PVALEF: variants seen among roughly 807,000 people sequenced by gnomAD.
PVALEF encodes the protein parvalbumin like EF-hand containing.
In PVALEF, 2 loss-of-function variants were observed where a neutral mutation model predicts 1.2. The observed-to-expected ratio is 1.68, with a 90% CI of 0.69 to 5.28. The LOEUF (loss-of-function observed/expected upper bound fraction) is 5.28, where lower values mean the gene tolerates loss of function less well. PVALEF is among the 30% of genes most tolerant of loss of function. PVALEF has a pLI of 0.06. For missense variants in PVALEF, 35 were observed against 17.7 expected (o/e 1.97, Z -1.75); for synonymous variants, 16 against 6.5 (o/e 2.47, Z -2.24).
chr17:81,165,602 C>A lies in PVALEF; in HGVS notation c.-653C>A, dbSNP rs531462374. On this transcript the variant is annotated 5_prime_UTR_variant, in exon 1 of 7. Transcript: ENST00000637878. Reference sequence around the variant, plus strand: ...TGAACCCCAGCTGGCTGACACCCCCCACACCCCCAAGGGCCCTTAGTCTGA... The same window carrying A: ...TGAACCCCAGCTGGCTGACACCCCCAACACCCCCAAGGGCCCTTAGTCTGA... 4.3e-6 allele frequency: 6 copies of A among 1,398,188 alleles called. No individual in the cohort carries two copies. Among genetic ancestry groups the A allele is most frequent in the Non-Finnish European group, 5.7e-6 (6 of 1,055,802 alleles). The allele number at this position is 1,398,188 out of a possible 1,614,324, so 86.6% of individuals were successfully genotyped here.
intron 2 of PVALEF, among the ~76,000 whole-genome samples, chr17:81,168,589 T>C (rs1235491987): frequency 1.3e-5 from 2 of 152,134 alleles, no homozygotes; most frequent in African/African-American, 2.4e-5. Context: ...CCTGAAGACA[T>C]AGCTGTCTGC....
At chr17:81,178,582 G>A (rs965656563) in intron 2 of PVALEF, among the ~76,000 whole-genome samples, 1 of 151,444 alleles carries the variant, frequency 6.6e-6, no homozygotes, top group African/African-American at 2.4e-5. Flanking sequence ...CCTTCCACCC[G>A]GCCCAAGCCC....
intron 2 of PVALEF, among the ~76,000 whole-genome samples, chr17:81,167,896 C>T (rs2061504652): frequency 6.6e-6 from 1 of 152,250 alleles, no homozygotes; most frequent in African/African-American, 2.4e-5. Context: ...CTCGTTCAGT[C>T]TGTGTCTTCA....
intron 2 of PVALEF, among the ~76,000 whole-genome samples, chr17:81,170,016 ATG>A (rs2146443236): frequency 7.1e-6 from 1 of 140,212 alleles, no homozygotes; most frequent in South Asian, 2.3e-4. Flanking sequence ...CTGCATGTGT[ATG>A]TGCATATGTG....
intron 2 of PVALEF, among the ~76,000 whole-genome samples, chr17:81,170,204 TGTA>T (rs1567835626): frequency 6.6e-6 from 1 of 151,728 alleles, no homozygotes; most frequent in East Asian, 1.9e-4. Flanking sequence ...TTTGCATATG[TGTA>T]GGTGTGTTGG....
At chr17:81,167,068 G>A (rs1280263372) in intron 2 of PVALEF, among the ~76,000 whole-genome samples, 4 of 152,076 alleles carry the variant, frequency 2.6e-5, no homozygotes, top group Admixed American at 6.5e-5. Context: ...CAGGGCAGGC[G>A]GGTGGCTTGT....
In PVALEF at chr17:81,165,521, C is replaced by G. The variant is rs761794438; in HGVS notation, c.-734C>G. The G allele has an allele frequency of 1.0e-4, 77 of 738,980 alleles. No individual in the cohort carries two copies. The highest frequency in any genetic ancestry group is 5.2e-4 in the South Asian group (33 of 63,676). The allele number at this position is 738,980 out of a possible 1,614,324, so 45.8% of individuals were successfully genotyped here. On this transcript the variant is annotated 5_prime_UTR_variant, in exon 1 of 7. Transcript: ENST00000637878. ...CAGGGCTCTGAGAATCGCTCCCAGC[C>G]TGGGAAGAAGCCTCCCACGCCAGGG...
chr17:81,166,503 CGG>C (rs1352693269), intron 1 of PVALEF, among the ~76,000 whole-genome samples, 172 bp from the exon 2 acceptor site: 1 of 13,264 alleles, frequency 7.5e-5, no homozygotes, highest in African/African-American at 1.9e-4. Context: ...CGGAGGCTGG[CGG>C]GGGGGGGGGA....
chr17:81,174,982 T>C (rs929229681), intron 2 of PVALEF, among the ~76,000 whole-genome samples: 2 of 148,998 alleles, frequency 1.3e-5, no homozygotes, highest in South Asian at 2.1e-4. Flanking sequence ...TGTTCACAAA[T>C]GATATGATGT....
intron 2 of PVALEF, among the ~76,000 whole-genome samples, chr17:81,173,563 A>C (rs1395644825): frequency 6.6e-6 from 1 of 152,230 alleles, no homozygotes; most frequent in Non-Finnish European, 1.5e-5. Context: ...GAAAGCACTG[A>C]GAATTGGACA....
At chr17:81,182,944 T>C in intron 6 of PVALEF, 21 bp from the exon 7 acceptor site, 1 of 398,620 alleles carries the variant, frequency 2.5e-6, no homozygotes, top group East Asian at 3.6e-5. Context: ...GTACTTACTT[T>C]AAATTGGTCT....
chr17:81,175,953 G>C (rs2061534708), intron 2 of PVALEF, among the ~76,000 whole-genome samples: 1 of 152,148 alleles, frequency 6.6e-6, no homozygotes, highest in South Asian at 2.1e-4. Context: ...AAAAAAATTT[G>C]TGGGTCAAAA....
intron 2 of PVALEF, among the ~76,000 whole-genome samples, chr17:81,174,606 C>T (rs2146446691): frequency 7.0e-6 from 1 of 143,766 alleles, no homozygotes; most frequent in East Asian, 2.1e-4. Flanking sequence ...CTCCAGCCTG[C>T]ACAACAGAGC....
intron 6 of PVALEF, among the ~76,000 whole-genome samples, chr17:81,182,522 C>T (rs1415573145): frequency 6.6e-6 from 1 of 152,232 alleles, no homozygotes; most frequent in African/African-American, 2.4e-5. Flanking sequence ...GGTCTAGAAA[C>T]CCCAGCAAAC....
intron 2 of PVALEF, among the ~76,000 whole-genome samples, chr17:81,172,127 G>C (rs1348803048): frequency 6.6e-6 from 1 of 152,246 alleles, no homozygotes; most frequent in Admixed American, 6.5e-5. Flanking sequence ...GGTGCCACAT[G>C]CCTTTCTACA....
chr17:81,171,303 C>T (rs572416338), intron 2 of PVALEF, among the ~76,000 whole-genome samples: 3 of 152,218 alleles, frequency 2.0e-5, no homozygotes, highest in South Asian at 2.1e-4. Flanking sequence ...GTGCTGGTTC[C>T]GGGAGCTTTG....
rs769331170 is a variant in PVALEF, at chr17:81,181,328, CCACGGTACAG to C, written c.105_106+8del. The C allele has an allele frequency of 4.4e-6, 3 of 675,974 alleles. No homozygotes were observed. In the African/African-American group the frequency reaches 5.3e-5, roughly 12 times the overall value. The allele number at this position is 675,974 out of a possible 1,614,324, so 41.9% of individuals were successfully genotyped here. A position where few individuals can be genotyped will look rare whatever the true frequency, so the allele number is the denominator to read the frequency against. ...AGCTGCTGCCCACAGACATGAGACA[CCACGGTACAG>C]CATGCCCCCGCCCGGCGCGGCCCCC... is the stretch of plus-strand genomic sequence containing the variant. On this transcript the variant is annotated splice_donor_variant and splice_donor_5th_base_variant and coding_sequence_variant and intron_variant, in exon 4 of 7. Transcript: ENST00000637878. LOFTEE classifies it high-confidence loss of function.
intron 2 of PVALEF, among the ~76,000 whole-genome samples, chr17:81,169,820 C>G (rs1384995628): frequency 6.7e-6 from 1 of 149,218 alleles, no homozygotes; most frequent in Non-Finnish European, 1.5e-5. Context: ...ATATGTGTGT[C>G]TGTGTGTGTC....
intron 6 of PVALEF, among the ~76,000 whole-genome samples, chr17:81,182,731 G>A (rs956001418): frequency 3.3e-5 from 5 of 152,210 alleles, no homozygotes; most frequent in African/African-American, 1.2e-4. Context: ...GTCCCCAGCT[G>A]GGGTCAACTT....
Sources: gnomAD v4.1 joint callset for allele counts (sites outside exome capture counted in the v4.1 genomes callset) on GRCh38, gnomAD v4.1.1 for gene constraint, MANE v1.5 for transcripts, NCBI Gene and HGNC (gene_info 2026-07-23, HGNC 2026-07-21) for gene names.